Variants in CDKAL1 observed in about 807,000 individuals in gnomAD.
CDKAL1 encodes the protein threonylcarbamoyladenosine tRNA methylthiotransferase.
Under a neutral mutation model 68.2 loss-of-function variants are expected in CDKAL1, and 32 were observed. The ratio of observed to expected loss-of-function variants is 0.47; its 90% confidence interval spans 0.35 to 0.63. The LOEUF (loss-of-function observed/expected upper bound fraction) is 0.63, where lower values mean the gene tolerates loss of function less well. Among genes scored for constraint, CDKAL1 ranks in the 30% least tolerant of loss-of-function variants. CDKAL1 has a pLI of 0.00. For missense variants in CDKAL1, 606 were observed against 696.7 expected (o/e 0.87, Z 1.47); for synonymous variants, 234 against 244.3 (o/e 0.96, Z 0.39).
At chr6:20,899,393 C>T (rs1005203430) in intron 9 of CDKAL1, among the ~76,000 whole-genome samples, 2 of 152,052 alleles carry the variant, frequency 1.3e-5, no homozygotes, top group Admixed American at 1.3e-4. Flanking sequence ...CGCCACAGTA[C>T]GTCTTGTTAA....
At chr6:20,977,653 G>A (rs763303701) in intron 10 of CDKAL1, among the ~76,000 whole-genome samples, 8 of 152,146 alleles carry the variant, frequency 5.3e-5, no homozygotes, top group South Asian at 2.1e-4. Context: ...CAAGGTGGGC[G>A]GATCCCTTGA....
intron 2 of CDKAL1, among the ~76,000 whole-genome samples, chr6:20,538,614 T>C (rs1763269341): frequency 6.6e-6 from 1 of 152,214 alleles, no homozygotes; most frequent in African/African-American, 2.4e-5. Context: ...ATGGCAAAAT[T>C]GTGTAATTAA....
chr6:21,151,877 T>A (rs1419836202), intron 13 of CDKAL1, among the ~76,000 whole-genome samples: 2 of 152,158 alleles, frequency 1.3e-5, no homozygotes, highest in African/African-American at 2.4e-5. Flanking sequence ...GTTTTTTTTT[T>A]AACTTTCTAG....
chr6:21,084,298 A>C (rs1772579512), intron 12 of CDKAL1, among the ~76,000 whole-genome samples: 1 of 152,176 alleles, frequency 6.6e-6, no homozygotes, highest in South Asian at 2.1e-4. Flanking sequence ...TTTGAATTGG[A>C]TATACAGTGA....
chr6:20,557,654 C>T (rs961964924), intron 4 of CDKAL1, among the ~76,000 whole-genome samples: 4 of 152,058 alleles, frequency 2.6e-5, no homozygotes, highest in Non-Finnish European at 5.9e-5. Flanking sequence ...TGGCTGGGCA[C>T]GGTGGCTCAT....
intron 8 of CDKAL1, among the ~76,000 whole-genome samples, chr6:20,785,045 T>G (rs1260592425): frequency 6.6e-6 from 1 of 152,194 alleles, no homozygotes; most frequent in Non-Finnish European, 1.5e-5. Context: ...GATTGAAAGC[T>G]CACTGGATTT....
intron 5 of CDKAL1, among the ~76,000 whole-genome samples, chr6:20,724,465 C>T (rs1291747609): frequency 6.6e-6 from 1 of 151,878 alleles, no homozygotes; most frequent in East Asian, 1.9e-4. Context: ...ACCTGTAATC[C>T]CAGCACTTTG....
intron 15 of CDKAL1, among the ~76,000 whole-genome samples, chr6:21,203,521 C>A (rs944769248): frequency 6.6e-6 from 1 of 151,712 alleles, no homozygotes; most frequent in Admixed American, 6.6e-5. Flanking sequence ...CAGACATGAG[C>A]CACTGTGCTC....
At chr6:20,842,646 A>G (rs892464557) in intron 8 of CDKAL1, among the ~76,000 whole-genome samples, 1 of 152,182 alleles carries the variant, frequency 6.6e-6, no homozygotes, top group African/African-American at 2.4e-5. Flanking sequence ...AGCCTGACCA[A>G]CATGGAGAAA....
intron 15 of CDKAL1, among the ~76,000 whole-genome samples, chr6:21,217,704 G>C (rs1779392478): frequency 6.6e-6 from 1 of 152,010 alleles, no homozygotes; most frequent in Non-Finnish European, 1.5e-5. Context: ...TGCCATGTTG[G>C]CCACACTGGT....
At chr6:21,021,392 A>G (rs1768657389) in intron 11 of CDKAL1, among the ~76,000 whole-genome samples, 1 of 152,220 alleles carries the variant, frequency 6.6e-6, no homozygotes, top group African/African-American at 2.4e-5. Context: ...CAACCACAAT[A>G]CAGAACACAA....
chr6:20,609,031 T>C (rs1172502758), intron 4 of CDKAL1, among the ~76,000 whole-genome samples: 2 of 152,242 alleles, frequency 1.3e-5, no homozygotes, highest in African/African-American at 2.4e-5. Flanking sequence ...ACATTTATCA[T>C]TGATTTCATG....
chr6:20,960,467 A>AC (rs1416935927), intron 10 of CDKAL1, among the ~76,000 whole-genome samples: 2 of 152,160 alleles, frequency 1.3e-5, no homozygotes, highest in East Asian at 3.8e-4. Context: ...GCTTCATAGT[A>AC]CCCCTGTACA....
chr6:20,909,596 CTTG>C (rs1762377667), intron 9 of CDKAL1, among the ~76,000 whole-genome samples: 1 of 152,050 alleles, frequency 6.6e-6, no homozygotes, highest in African/African-American at 2.4e-5. Flanking sequence ...CTTGGTTTTG[CTTG>C]TTATTTTATT....
chr6:20,738,241 A>G (rs1421392855), intron 5 of CDKAL1, among the ~76,000 whole-genome samples: 2 of 152,162 alleles, frequency 1.3e-5, no homozygotes, highest in African/African-American at 4.8e-5. Context: ...ACACATGCAA[A>G]AGAATTAAAG....
chr6:20,792,281 G>A (rs1775928638), intron 8 of CDKAL1, among the ~76,000 whole-genome samples: 1 of 152,128 alleles, frequency 6.6e-6, no homozygotes, highest in African/African-American at 2.4e-5. Context: ...TCTGAGGAGT[G>A]TCTATTTTTT....
chr6:20,690,143 G>A (rs953711031), intron 5 of CDKAL1, among the ~76,000 whole-genome samples: 1 of 151,866 alleles, frequency 6.6e-6, no homozygotes, highest in African/African-American at 2.4e-5. Flanking sequence ...AAATTATATC[G>A]TACATATTTT....
At chr6:20,874,297 G>T (rs1369584194) in intron 9 of CDKAL1, among the ~76,000 whole-genome samples, 2 of 106,074 alleles carry the variant, frequency 1.9e-5, no homozygotes, top group Non-Finnish European at 3.9e-5. Context: ...AAGTTTTTTT[G>T]TTTGTTTGTT....
intron 10 of CDKAL1, 36 bp downstream of exon 10, chr6:20,955,621 AC>A (rs760771615): frequency 5.0e-6 from 8 of 1,594,380 alleles, no homozygotes; most frequent in Non-Finnish European, 6.9e-6. Context: ...GCTAACATAG[AC>A]ACTAACCAGT....
Sources: allele counts gnomAD v4.1 joint callset (sites outside exome capture counted in the v4.1 genomes callset), GRCh38; gene constraint gnomAD v4.1.1; transcripts MANE v1.5; gene names NCBI Gene and HGNC (gene_info 2026-07-23, HGNC 2026-07-21).